Variants in FBXO36 observed in about 807,000 individuals in gnomAD.
FBXO36 encodes F-box only protein 36.
Under a neutral mutation model 17.0 loss-of-function variants are expected in FBXO36, and 18 were observed. The observed-to-expected ratio is 1.06, with a 90% confidence interval of 0.73 to 1.57. The LOEUF (loss-of-function observed/expected upper bound fraction) is 1.57. Among genes scored for constraint, FBXO36 ranks in the 40% most tolerant of loss-of-function variants. The pLI is 0.00. For missense variants in FBXO36, 229 were observed against 221.9 expected, an observed-to-expected ratio of 1.03 and a Z score of -0.20; for synonymous variants, 83 against 85.3, an observed-to-expected ratio of 0.97 and a Z score of 0.15.
intron 1 of FBXO36, among the ~76,000 whole-genome samples, chr2:229,922,961 G>A (rs1048940913): frequency 6.6e-6 from 1 of 152,202 alleles, no homozygotes; most frequent in Non-Finnish European, 1.5e-5. Context: ...GAGAAGGAGG[G>A]AAAGAACGAC....
At chr2:229,984,115 C>G (rs1036914898) in intron 2 of FBXO36, among the ~76,000 whole-genome samples, 1 of 151,934 alleles carries the variant, frequency 6.6e-6, no homozygotes, top group Non-Finnish European at 1.5e-5. Context: ...TTTGGGAGGC[C>G]GAGGCGGGTG....
intron 3 of FBXO36, among the ~76,000 whole-genome samples, chr2:230,009,508 T>C (rs2077403729): frequency 6.6e-6 from 1 of 152,214 alleles, no homozygotes; most frequent in African/African-American, 2.4e-5. Context: ...GAACATCTTC[T>C]ACTTTCAAGA....
In FBXO36 at chr2:229,976,319, G is replaced by C. The variant is rs1241839113; in HGVS notation, c.175G>C (p.Glu59Gln). 3.1e-6 allele frequency: 5 copies of C among 1,613,640 alleles called. No individual in the cohort carries two copies. Among genetic ancestry groups the C allele is most frequent in the Non-Finnish European group, 4.2e-6 (5 of 1,179,690 alleles). ...TKPGEAKETH[E>Q]DFLENSHLQG... ...ACCTGGAGAAGCAAAAGAAACCCAT[G>C]AAGACTTCCTAGAGAATTCACATCT... The change falls in exon 2 of 4, where the codon GAA (glutamate) becomes CAA (glutamine). Residue 59 changes from glutamate (E) to glutamine (Q), a missense_variant. Coordinates refer to ENST00000283946, the MANE Select transcript of FBXO36 (RefSeq NM_174899.5).
At chr2:230,005,819 C>G (rs2077384402) in intron 3 of FBXO36, among the ~76,000 whole-genome samples, 1 of 152,076 alleles carries the variant, frequency 6.6e-6, no homozygotes. Flanking sequence ...AGGTGTCCTC[C>G]TCCATACCTG....
In FBXO36 at chr2:230,010,796, A is replaced by G. The variant is rs1292748455; in HGVS notation, c.479A>G (p.Gln160Arg). ...CTGGCGGAGGACACAGGCTGGAGACAGCTGTTCTTCACCAACAAGCTCCAG... is the reference window on the plus strand; with the variant it reads ...CTGGCGGAGGACACAGGCTGGAGACGGCTGTTCTTCACCAACAAGCTCCAG... ...RALAEDTGWR[Q>R]LFFTNKLQLQ... The change falls in exon 4 of 4, where the codon CAG becomes CGG. Residue 160 changes from glutamine (Q) to arginine (R), a missense_variant. By Grantham distance (43) the Gln-to-Arg change is conservative. Coordinates refer to ENST00000283946, the MANE Select transcript of FBXO36 (RefSeq NM_174899.5). 1 of 1,613,976 alleles carries G rather than the reference A, an allele frequency of 6.2e-7. No homozygotes were observed. The highest frequency in any genetic ancestry group is 1.7e-4 in the Middle Eastern group (1 of 6,056).
At chr2:230,010,217 C>T (rs549538418) in intron 3 of FBXO36, among the ~76,000 whole-genome samples, 7 of 152,234 alleles carry the variant, frequency 4.6e-5, no homozygotes, top group South Asian at 2.1e-4. Flanking sequence ...GCCGAGATTG[C>T]GCCATTGCAC....
rs552665061 is a variant in FBXO36 at position 230,011,454 on chromosome 2, T to C, written c.*570T>C. 18 of 152,452 alleles carry C rather than the reference T, an allele frequency of 1.2e-4. No homozygotes were observed. Among genetic ancestry groups the C allele is most frequent in the African/African-American group, 3.6e-4 (15 of 41,566 alleles). 9.4% of individuals were successfully genotyped at this position (152,452 alleles called of 1,614,324 possible). A position where few individuals can be genotyped will look rare whatever the true frequency, so the allele number is the denominator to read the frequency against. On this transcript the variant is annotated 3_prime_UTR_variant, in exon 4 of 4. Coordinates refer to ENST00000283946, the MANE Select transcript of FBXO36 (RefSeq NM_174899.5). ...TGTGAGCCCAGGATGCCAGGGTCCA[T>C]CCCCGCATGTAGACAGCTTCCGACC...
chr2:229,946,227 G>C (rs1049852422), intron 1 of FBXO36, among the ~76,000 whole-genome samples: 17 of 152,252 alleles, frequency 1.1e-4, no homozygotes, highest in African/African-American at 4.1e-4. Flanking sequence ...CTGTGTTTAA[G>C]GTGTGCTGTG....
At chr2:229,935,076 C>G (rs1560430937) in intron 1 of FBXO36, among the ~76,000 whole-genome samples, 2 of 152,184 alleles carry the variant, frequency 1.3e-5, no homozygotes, top group African/African-American at 4.8e-5. Context: ...CACAGTTTAA[C>G]GTCTTAACTT....
intron 3 of FBXO36, among the ~76,000 whole-genome samples, chr2:230,004,155 C>G (rs1184556351): frequency 6.6e-6 from 1 of 152,208 alleles, no homozygotes; most frequent in South Asian, 2.1e-4. Context: ...TAACACTGCT[C>G]TCTTTTCCAG....
chr2:230,012,817 T>C lies in FBXO36; in HGVS notation c.*1933T>C, dbSNP rs1446979146. ...TCAGTGCAAGATGATTAAAGCTTCA[T>C]GTGTAGTATTTTATCAACAAACAGA... On this transcript the variant is annotated 3_prime_UTR_variant, in exon 4 of 4. Coordinates refer to ENST00000283946, the MANE Select transcript of FBXO36 (RefSeq NM_174899.5). 2 of 151,786 alleles carry C rather than the reference T, an allele frequency of 1.3e-5. No homozygotes were observed. Among genetic ancestry groups the C allele is most frequent in the Admixed American group, 6.6e-5 (1 of 15,244 alleles). 9.4% of individuals were successfully genotyped at this position (151,786 alleles called of 1,614,324 possible).
intron 1 of FBXO36, among the ~76,000 whole-genome samples, chr2:229,968,640 G>C (rs1382030916): frequency 1.3e-5 from 2 of 152,026 alleles, no homozygotes; most frequent in East Asian, 3.9e-4. Flanking sequence ...GCTAATTTTT[G>C]TATTTTTTGT....
intron 1 of FBXO36, among the ~76,000 whole-genome samples, chr2:229,935,085 T>C (rs954006710): frequency 6.6e-6 from 1 of 152,208 alleles, no homozygotes; most frequent in Non-Finnish European, 1.5e-5. Flanking sequence ...ACGTCTTAAC[T>C]TGTGCCTCCA....
intron 2 of FBXO36, among the ~76,000 whole-genome samples, chr2:229,992,980 T>C (rs1426209741): frequency 6.6e-6 from 1 of 152,202 alleles, no homozygotes; most frequent in Admixed American, 6.6e-5. Flanking sequence ...GATTTTTTTA[T>C]CTTGCCCAAA....
At chr2:229,928,007 C>T (rs1164064707) in intron 1 of FBXO36, among the ~76,000 whole-genome samples, 2 of 152,186 alleles carry the variant, frequency 1.3e-5, no homozygotes, top group Admixed American at 6.6e-5. Flanking sequence ...AATGTAAATG[C>T]AGTCTAATAA....
chr2:229,960,323 A>G (rs1196898809), intron 1 of FBXO36, among the ~76,000 whole-genome samples: 1 of 152,000 alleles, frequency 6.6e-6, no homozygotes, highest in African/African-American at 2.4e-5. Flanking sequence ...GACTACATAC[A>G]GGCCCACGGC....
At chr2:229,947,708 T>C (rs2077034938) in intron 1 of FBXO36, among the ~76,000 whole-genome samples, 1 of 152,216 alleles carries the variant, frequency 6.6e-6, no homozygotes, top group South Asian at 2.1e-4. Context: ...GGAGTTGATA[T>C]TTTGTGATGA....
At chr2:229,999,124 A>AT (rs1178050342) in intron 3 of FBXO36, among the ~76,000 whole-genome samples, 24,581 of 108,010 alleles carry the variant, frequency 0.23, 2,890 homozygotes, top group Admixed American at 0.27. Flanking sequence ...AAGTAATGTA[A>AT]TTTTTTTTTT....
chr2:230,005,058 T>G (rs946235218), intron 3 of FBXO36, among the ~76,000 whole-genome samples: 1 of 152,108 alleles, frequency 6.6e-6, no homozygotes, highest in Non-Finnish European at 1.5e-5. Flanking sequence ...TTTAAAAAAA[T>G]TGCCATAGGA....
Sources: gnomAD v4.1 joint callset for allele counts (sites outside exome capture counted in the v4.1 genomes callset) on GRCh38, gnomAD v4.1.1 for gene constraint, MANE v1.5 for transcripts, NCBI Gene and HGNC (gene_info 2026-07-23, HGNC 2026-07-21) for gene names.